The following AARS1 variants were observed in gnomAD, a reference collection of about 807,000 sequenced individuals.
AARS1 encodes the protein alanine--tRNA ligase, cytoplasmic.
AARS1 carries 72 observed loss-of-function variants against 108.9 expected under a neutral mutation model. That is an observed-to-expected ratio of 0.66 (90% CI 0.55 to 0.80). The LOEUF is 0.80. Among genes scored for constraint, AARS1 ranks in the 30% least tolerant of loss-of-function variants. The pLI is 0.00. For synonymous variants in AARS1, 489 were observed against 465.7 expected, an observed-to-expected ratio of 1.05 and a Z score of -0.64; for missense variants, 1,193 against 1,233.2, an observed-to-expected ratio of 0.97 and a Z score of 0.49.
intron 7 of AARS1, among the ~76,000 whole-genome samples, chr16:70,269,090 G>A (rs1055699676): frequency 6.6e-5 from 10 of 152,016 alleles, no homozygotes; most frequent in South Asian, 2.1e-4. Context: ...GTGGGAGGCC[G>A]AGGCGGGCGG....
chr16:70,254,661 G>A lies in AARS1; in HGVS notation c.2360C>T (p.Pro787Leu). 6.2e-7 allele frequency: 1 copy of A among 1,614,058 alleles called. No homozygotes were observed. The highest frequency in any genetic ancestry group is 2.2e-5 in the East Asian group (1 of 44,876). ...MEAKVKAQTA[P>L]NKDVQREIAD... Reference sequence around the variant, plus strand: ...GATCTCCCTCTGCACATCCTTGTTTGGAGCAGTCTGAGCCTTCACTTTGGC... The same window carrying A: ...GATCTCCCTCTGCACATCCTTGTTTAGAGCAGTCTGAGCCTTCACTTTGGC... Residue 787 changes from proline to leucine, a missense_variant, in exon 17 of 21, where the codon CCA becomes CTA. Coordinates refer to ENST00000261772, the MANE Select transcript of AARS1 (RefSeq NM_001605.3).
chr16:70,288,642 C>A (rs986038164), intron 1 of AARS1, among the ~76,000 whole-genome samples: 3 of 148,674 alleles, frequency 2.0e-5, no homozygotes, highest in Non-Finnish European at 3.0e-5. Flanking sequence ...TCTCAGCTCA[C>A]TGCAACCTCC....
chr16:70,282,918 T>G (rs1401892425), intron 1 of AARS1, 134 bp from the exon 2 acceptor site: 1 of 838,222 alleles, frequency 1.2e-6, no homozygotes, highest in African/African-American at 1.7e-5. Context: ...AACCTCTATG[T>G]TGTAATGTCC....
At chr16:70,286,837 C>A (rs949680804) in intron 1 of AARS1, among the ~76,000 whole-genome samples, 2 of 150,992 alleles carry the variant, frequency 1.3e-5, no homozygotes, top group African/African-American at 4.9e-5. Context: ...AATTTTCAGC[C>A]GGGTACAGTG....
rs766086262 is a variant in AARS1 at position 70,253,701 on chromosome 16, G to T, written c.2607+13C>A. 10 of 1,612,822 alleles carry T rather than the reference G, an allele frequency of 6.2e-6. No homozygotes were observed. The highest frequency in any genetic ancestry group is 7.6e-6 in the Non-Finnish European group (9 of 1,179,816). ...ATGAGCCCTAGGGGAGGGGACCCTG[G>T]CCCCTGGGTTGCCTTGGCTGAGGCG... is the stretch of plus-strand genomic sequence containing the variant. On this transcript the variant is annotated intron_variant, in intron 19 of 20. Transcript: ENST00000261772.
intron 7 of AARS1, 46 bp downstream of exon 7, chr16:70,269,572 A>C: frequency 6.2e-7 from 1 of 1,610,316 alleles, no homozygotes. Flanking sequence ...CACACATAGC[A>C]CACGTGGTGC....
At chr16:70,286,750 C>T (rs1485485682) in intron 1 of AARS1, among the ~76,000 whole-genome samples, 1 of 151,974 alleles carries the variant, frequency 6.6e-6, no homozygotes, top group East Asian at 1.9e-4. Flanking sequence ...GAGGCTGAGG[C>T]AGGAGAATCG....
At chr16:70,281,872 C>T (rs576645666) in intron 2 of AARS1, among the ~76,000 whole-genome samples, 1 of 151,690 alleles carries the variant, frequency 6.6e-6, no homozygotes, top group Admixed American at 6.6e-5. Flanking sequence ...TAATAGCTGG[C>T]CGGGCGTGGT....
chr16:70,282,530 G>T, intron 2 of AARS1, 90 bp downstream of exon 2: 1 of 1,506,994 alleles, frequency 6.6e-7, no homozygotes, highest in African/African-American at 1.4e-5. Flanking sequence ...GACAGAACCA[G>T]AATCGGTCTG....
intron 7 of AARS1, 95 bp from the exon 8 acceptor site, chr16:70,268,474 ACTTT>A: frequency 9.9e-7 from 1 of 1,008,038 alleles, no homozygotes. Flanking sequence ...TCTTTCAGGA[ACTTT>A]CTTTTATCCT....
intron 7 of AARS1, among the ~76,000 whole-genome samples, chr16:70,269,190 C>T (rs773755424): frequency 1.3e-5 from 2 of 152,014 alleles, no homozygotes; most frequent in Non-Finnish European, 2.9e-5. Flanking sequence ...CATGGTGGCT[C>T]ATGCCTGTAA....
chr16:70,268,776 T>A (rs1317181666), intron 7 of AARS1, among the ~76,000 whole-genome samples: 1 of 152,176 alleles, frequency 6.6e-6, no homozygotes, highest in Non-Finnish European at 1.5e-5. Flanking sequence ...ATCCTTATCA[T>A]CTGTACTCAG....
At position 70,259,180 on chromosome 16, in the gene AARS1, G is replaced by A. The variant is rs752548366; in HGVS notation, c.1792C>T (p.Arg598Ter). 3.1e-6 allele frequency: 5 copies of A among 1,613,976 alleles called. No homozygotes were observed. Among genetic ancestry groups the A allele is most frequent in the Admixed American group, 1.7e-5 (1 of 60,008 alleles). The change falls in exon 14 of 21, where the codon CGA becomes TGA. Residue 598 changes from arginine to a stop codon, truncating the protein, a stop_gained. Transcript: ENST00000261772. LOFTEE classifies it high-confidence loss of function. ...QVWLFIDEPR[R>*]RPIMSNHTAT... ...GTGTGGTTGCTCATGATGGGTCTTC[G>A]TCGGGGCTGGAAAGGGCAGAGGGGC...
chr16:70,276,421 C>T, intron 4 of AARS1, 65 bp downstream of exon 4: 1 of 1,572,634 alleles, frequency 6.4e-7, no homozygotes, highest in Non-Finnish European at 8.7e-7. Flanking sequence ...GGTCATAAAA[C>T]CCCACTCTGG....
In AARS1 at chr16:70,262,974, A is replaced by AAAAAAAG. The variant is rs1159776222; in HGVS notation, c.1493-451_1493-450insCTTTTTT. On this transcript the variant is annotated intron_variant, in intron 11 of 20. Coordinates refer to ENST00000261772, the MANE Select transcript of AARS1 (RefSeq NM_001605.3). The stretch of plus-strand genomic sequence containing the variant: ...CAAAGCAAGACTCGGTCTCAAAAAA[A>AAAAAAAG]AAAAAAAAAAAAAAAAAAAAAAAAC... 4.4e-5 allele frequency among the ~76,000 whole-genome samples: 6 copies of AAAAAAAG among 136,780 alleles called. 1 individual carries two copies. The highest frequency in any genetic ancestry group is 6.2e-5 in the Non-Finnish European group (4 of 64,332). The allele number at this position is 136,780 out of a possible 152,430, so 89.7% of individuals were successfully genotyped here.
intron 4 of AARS1, among the ~76,000 whole-genome samples, chr16:70,274,804 G>T (rs962758478): frequency 6.6e-6 from 1 of 151,942 alleles, no homozygotes. Flanking sequence ...CTATGAACAA[G>T]GCCAGGAAGA....
chr16:70,261,231 A>AG, intron 12 of AARS1, 74 bp from the exon 13 acceptor site: 2 of 1,087,422 alleles, frequency 1.8e-6, no homozygotes, highest in Non-Finnish European at 1.4e-6. Flanking sequence ...TTTCAATATA[A>AG]ACTCGTGTAT....
rs1467543017 is a variant in AARS1 at position 70,265,005 on chromosome 16, T to C, written c.1445A>G (p.Asp482Gly). The change falls in exon 11 of 21, where the codon GAT becomes GGT. Residue 482 changes from aspartate (D) to glycine (G), a missense_variant. Asp to Gly is a moderately conservative substitution (Grantham distance 94). Coordinates refer to ENST00000261772, the MANE Select transcript of AARS1 (RefSeq NM_001605.3). ...ELRARGLEVT[D>G]DSPKYNYHLD... ...ATGGTAATTGTACTTTGGGGAATCA[T>C]CTGTGACCTCCAGACCCCGTGCCCG... 1 of 1,614,152 alleles carries C rather than the reference T, an allele frequency of 6.2e-7. No individual in the cohort carries two copies. Among genetic ancestry groups the C allele is most frequent in the Non-Finnish European group, 8.5e-7 (1 of 1,180,024 alleles).
At chr16:70,266,655 G>A (rs1475137613) in intron 9 of AARS1, among the ~76,000 whole-genome samples, 2 of 151,806 alleles carry the variant, frequency 1.3e-5, no homozygotes, top group Non-Finnish European at 2.9e-5. Context: ...CCGAGTAGCT[G>A]GGATTATGGG....
Sources: gnomAD v4.1 joint callset for allele counts (sites outside exome capture counted in the v4.1 genomes callset) on GRCh38, gnomAD v4.1.1 for gene constraint, MANE v1.5 for transcripts, NCBI Gene and HGNC (gene_info 2026-07-23, HGNC 2026-07-21) for gene names.